Variants in VTI1A observed in about 807,000 individuals in gnomAD.
VTI1A encodes vesicle transport through interaction with t-SNAREs homolog 1A.
A neutral mutation model predicts 34.9 loss-of-function variants in VTI1A; 22 were observed. The observed-to-expected ratio is 0.63, with a 90% CI of 0.45 to 0.90. The LOEUF (loss-of-function observed/expected upper bound fraction) is 0.90, where lower values mean the gene tolerates loss of function less well. Among genes scored for constraint, VTI1A ranks in the 40% least tolerant of loss-of-function variants. The pLI is 0.00. For missense variants in VTI1A, 268 were observed against 275.6 expected (o/e 0.97, Z 0.20); for synonymous variants, 87 against 97.3 (o/e 0.89, Z 0.62).
In VTI1A at chr10:112,817,009, A is replaced by G. The variant is rs190058060; in HGVS notation, c.*1626A>G. On this transcript the variant is annotated 3_prime_UTR_variant, in exon 8 of 8. Coordinates refer to ENST00000393077, the MANE Select transcript of VTI1A (RefSeq NM_145206.4). The stretch of plus-strand genomic sequence containing the variant: ...GGATTTTGGCCGAGGGAAGCAGGAC[A>G]GAGAAGGAGCAGGAAGCTATGCTAA... 2.2e-3 allele frequency: 500 copies of G among 232,304 alleles called. 9 individuals carry two copies. In the Admixed American group the frequency reaches 0.026, roughly 12 times the overall value. 14.4% of individuals were successfully genotyped at this position (232,304 alleles called of 1,614,324 possible).
At chr10:112,701,499 G>T (rs956638079) in intron 7 of VTI1A, among the ~76,000 whole-genome samples, 12 of 152,260 alleles carry the variant, frequency 7.9e-5, no homozygotes, top group African/African-American at 2.4e-4. Flanking sequence ...TGGTTTCTTT[G>T]TATTTTCACT....
intron 7 of VTI1A, among the ~76,000 whole-genome samples, chr10:112,675,173 A>G (rs978312246): frequency 1.3e-5 from 2 of 152,192 alleles, no homozygotes; most frequent in Non-Finnish European, 2.9e-5. Flanking sequence ...ACTGCTACTT[A>G]TGCACTCTCT....
intron 7 of VTI1A, among the ~76,000 whole-genome samples, chr10:112,807,441 T>A (rs1853125995): frequency 6.6e-6 from 1 of 152,206 alleles, no homozygotes; most frequent in East Asian, 1.9e-4. Flanking sequence ...TTCCTTGGCA[T>A]GTGGCAACAT....
chr10:112,819,172 A>G (rs1182876571), downstream of VTI1A, among the ~76,000 whole-genome samples: 1 of 152,240 alleles, frequency 6.6e-6, no homozygotes, highest in Non-Finnish European at 1.5e-5. Flanking sequence ...GAATTTTTAA[A>G]TAATGAAATT....
chr10:112,842,301 C>T, the VTI1A span, among the ~76,000 whole-genome samples: 1 of 152,134 alleles, frequency 6.6e-6, no homozygotes, highest in South Asian at 2.1e-4. Context: ...CCCTGCTTCC[C>T]CCATCCTGGG....
chr10:112,475,086 T>A (rs1355645126), intron 3 of VTI1A, among the ~76,000 whole-genome samples: 1 of 152,242 alleles, frequency 6.6e-6, no homozygotes, highest in African/African-American at 2.4e-5. Flanking sequence ...GTACACTTGA[T>A]TAGAATAATA....
the VTI1A span, among the ~76,000 whole-genome samples, chr10:112,847,993 C>G: frequency 1.1e-4 from 16 of 152,264 alleles, no homozygotes; most frequent in African/African-American, 3.6e-4. Context: ...TAAGCCCAAT[C>G]CAAAATGCTG....
chr10:112,503,912 T>C (rs1044312798), intron 3 of VTI1A, among the ~76,000 whole-genome samples: 2 of 152,208 alleles, frequency 1.3e-5, no homozygotes, highest in African/African-American at 4.8e-5. Flanking sequence ...GTGATTGTTC[T>C]CCATGGCACA....
chr10:112,759,480 G>C (rs1452910536), intron 7 of VTI1A, among the ~76,000 whole-genome samples: 3 of 152,116 alleles, frequency 2.0e-5, no homozygotes, highest in African/African-American at 7.2e-5. Context: ...TATAGAGTTC[G>C]TTCACATGCC....
At chr10:112,613,497 A>G (rs1050075025) in intron 5 of VTI1A, among the ~76,000 whole-genome samples, 2 of 152,144 alleles carry the variant, frequency 1.3e-5, no homozygotes, top group Non-Finnish European at 1.5e-5. Context: ...CCCTCTCTGT[A>G]GAGCTCATTC....
intron 3 of VTI1A, among the ~76,000 whole-genome samples, chr10:112,494,293 T>C (rs1353960382): frequency 6.6e-6 from 1 of 152,146 alleles, no homozygotes; most frequent in Non-Finnish European, 1.5e-5. Context: ...AAATGTCTCC[T>C]CTTCTGTTCA....
chr10:112,517,694 G>A (rs1326746393), intron 3 of VTI1A, among the ~76,000 whole-genome samples: 3 of 151,942 alleles, frequency 2.0e-5, no homozygotes, highest in Non-Finnish European at 2.9e-5. Context: ...ATCTCCCTCC[G>A]GAAAATATAT....
At chr10:112,514,464 A>G (rs1564808205) in intron 3 of VTI1A, among the ~76,000 whole-genome samples, 1 of 150,594 alleles carries the variant, frequency 6.6e-6, no homozygotes, top group African/African-American at 2.4e-5. Context: ...GGTATCATTG[A>G]TTTTTTTCTA....
At chr10:112,504,888 T>A (rs1031318332) in intron 3 of VTI1A, among the ~76,000 whole-genome samples, 1 of 152,062 alleles carries the variant, frequency 6.6e-6, no homozygotes, top group African/African-American at 2.4e-5. Flanking sequence ...CAAGATGGAA[T>A]GTCTTTTTAT....
At chr10:112,641,023 A>C (rs1356972938) in intron 5 of VTI1A, among the ~76,000 whole-genome samples, 1 of 152,168 alleles carries the variant, frequency 6.6e-6, no homozygotes, top group Non-Finnish European at 1.5e-5. Context: ...AAAGAATACT[A>C]AATATTGCCC....
chr10:112,500,629 G>T (rs1849199980), intron 3 of VTI1A, among the ~76,000 whole-genome samples: 1 of 152,028 alleles, frequency 6.6e-6, no homozygotes, highest in South Asian at 2.1e-4. Flanking sequence ...ACTGTCACCT[G>T]CCATTTCACC....
chr10:112,677,428 A>T (rs1483307053), intron 7 of VTI1A, among the ~76,000 whole-genome samples: 1 of 152,136 alleles, frequency 6.6e-6, no homozygotes, highest in Non-Finnish European at 1.5e-5. Context: ...TATTGTAATT[A>T]TTATCAACTG....
chr10:112,602,249 GC>G (rs1844905720), intron 5 of VTI1A, among the ~76,000 whole-genome samples: 1 of 152,128 alleles, frequency 6.6e-6, no homozygotes, highest in Non-Finnish European at 1.5e-5. Context: ...CCTCAACCTT[GC>G]TTGCTCAGTG....
chr10:112,509,987 A>G (rs188916916), intron 3 of VTI1A, among the ~76,000 whole-genome samples: 1 of 152,214 alleles, frequency 6.6e-6, no homozygotes, highest in Non-Finnish European at 1.5e-5. Flanking sequence ...AGGTCCCATT[A>G]TTATTGCATA....
Sources: allele counts gnomAD v4.1 joint callset (sites outside exome capture counted in the v4.1 genomes callset), GRCh38; gene constraint gnomAD v4.1.1; transcripts MANE v1.5; gene names NCBI Gene and HGNC (gene_info 2026-07-23, HGNC 2026-07-21).